ERCC6: variants seen among roughly 807,000 people sequenced by gnomAD.
ERCC6 encodes the protein DNA excision repair protein ERCC-6.
ERCC6 carries 116 observed loss-of-function variants against 158.7 expected under a neutral mutation model. The ratio of observed to expected loss-of-function variants is 0.73; its 90% CI spans 0.63 to 0.85. ERCC6 has a LOEUF of 0.85. Among genes scored for constraint, ERCC6 ranks in the 40% least tolerant of loss-of-function variants. The probability of loss-of-function intolerance (pLI) is 0.00; values close to 1 mark genes in which losing one functional copy is unlikely to be tolerated. For synonymous variants in ERCC6, 678 were observed against 659.3 expected, an observed-to-expected ratio of 1.03 and a Z score of -0.43; for missense variants, 1,698 against 1,799.4, an observed-to-expected ratio of 0.94 and a Z score of 1.02.
the ERCC6 span, among the ~76,000 whole-genome samples, chr10:49,444,846 AG>A: frequency 1.3e-5 from 2 of 152,220 alleles, no homozygotes. Flanking sequence ...CACAGCAAAA[AG>A]TAAAGAAAAA....
downstream of ERCC6, among the ~76,000 whole-genome samples, chr10:49,449,536 T>C (rs1446363343): frequency 6.6e-6 from 1 of 151,368 alleles, no homozygotes; most frequent in Non-Finnish European, 1.5e-5. Context: ...AAGAGTTTTA[T>C]AGGTTTTGCT....
chr10:49,468,153 C>T (rs753167318), intron 18 of ERCC6, among the ~76,000 whole-genome samples: 2 of 152,186 alleles, frequency 1.3e-5, no homozygotes, highest in African/African-American at 2.4e-5. Flanking sequence ...TTTTCACTGA[C>T]CTTAAGTAGT....
chr10:49,458,833 G>C lies in ERCC6; in HGVS notation c.4464C>G (p.Leu1488=). 6.2e-7 allele frequency: 1 copy of C among 1,614,184 alleles called. No homozygotes were observed. The highest frequency in any genetic ancestry group is 8.5e-7 in the Non-Finnish European group (1 of 1,180,018). ...ATGTTGTTTAGCAGTATTCTGGCTT[G>C]AGTTTCCAAATTCCTTCACCACCAG... ...RTSGGEGIWK[L]KPEYC Residue 1488 remains leucine, a synonymous_variant, in exon 21 of 21, where the codon CTC becomes CTG. Coordinates refer to ENST00000355832, the MANE Select transcript of ERCC6 (RefSeq NM_000124.4).
At chr10:49,476,135 A>G (rs1453346768) in intron 12 of ERCC6, 80 bp downstream of exon 12, 10 of 993,270 alleles carry the variant, frequency 1.0e-5, no homozygotes, top group African/African-American at 1.6e-5. Flanking sequence ...AGCCTGGCAC[A>G]ATGTAGATCC....
intron 16 of ERCC6, 110 bp from the exon 17 acceptor site, chr10:49,471,230 T>A: frequency 9.5e-7 from 1 of 1,055,504 alleles, no homozygotes; most frequent in Non-Finnish European, 1.4e-6. Flanking sequence ...CATGAATGGC[T>A]AAATAATCCC....
chr10:49,526,117 T>TTATATATATATATATA (rs55801003), intron 4 of ERCC6, among the ~76,000 whole-genome samples: 4 of 43,566 alleles, frequency 9.2e-5, no homozygotes, highest in Non-Finnish European at 2.1e-4. Flanking sequence ...TTATATATTT[T>TTATATATATATATATA]TATATATATA....
chr10:49,481,368 T>G (rs1850977097), intron 10 of ERCC6, among the ~76,000 whole-genome samples: 1 of 152,164 alleles, frequency 6.6e-6, no homozygotes, highest in South Asian at 2.1e-4. Context: ...TAACAGGAGA[T>G]TCAGAGAAAG....
rs1277930972 is a variant in ERCC6 at position 49,461,437 on chromosome 10, A to G, written c.3898T>C (p.Ser1300Pro). 1 of 1,614,182 alleles carries G rather than the reference A, an allele frequency of 6.2e-7. No homozygotes were observed. The highest frequency in any genetic ancestry group is 8.5e-7 in the Non-Finnish European group (1 of 1,180,040). Residue 1300 changes from serine (S) to proline (P), a missense_variant, in exon 19 of 21, where the codon TCT becomes CCT. Transcript: ENST00000355832. ...ACTGCTCCCAGACACCGCTGACGAG[A>G]GAGCCTCAGTGCTTTCAGGGCATCC... Reference protein sequence around the residue: ...AQDALKALRLSRQRCLGAVSG... With the variant: ...AQDALKALRLPRQRCLGAVSG...
chr10:49,438,042 T>C, the ERCC6 span, among the ~76,000 whole-genome samples: 1 of 152,196 alleles, frequency 6.6e-6, no homozygotes, highest in Non-Finnish European at 1.5e-5. Context: ...TTATATTTTA[T>C]TGTATTGTTA....
chr10:49,508,422 G>A (rs544021571), intron 5 of ERCC6, among the ~76,000 whole-genome samples: 3 of 151,988 alleles, frequency 2.0e-5, no homozygotes, highest in Non-Finnish European at 4.4e-5. Context: ...AAAATATACA[G>A]GCATCTTGTC....
chr10:49,532,656 G>C lies in ERCC6; in HGVS notation c.309C>G (p.Asp103Glu). The change falls in exon 2 of 21, where the codon GAC becomes GAG. Residue 103 changes from aspartate (D) to glutamate (E), a missense_variant. Transcript: ENST00000355832. The stretch of plus-strand genomic sequence containing the variant: ...GCTGAAGCACTCCCTGTTCCAGCAC[G>C]TCCTGGTCATAGACGTCCACACCCA... ...QGLGVDVYDQ[D>E]VLEQGVLQQV... 3.1e-6 allele frequency: 5 copies of C among 1,614,178 alleles called. No homozygotes were observed. The highest frequency in any genetic ancestry group is 4.2e-6 in the Non-Finnish European group (5 of 1,180,038).
At chr10:49,517,502 G>A (rs1459296492) in intron 5 of ERCC6, among the ~76,000 whole-genome samples, 1 of 152,142 alleles carries the variant, frequency 6.6e-6, no homozygotes, top group Non-Finnish European at 1.5e-5. Flanking sequence ...TGAGCAGTAG[G>A]GCATGAATAA....
At chr10:49,525,091 G>T in intron 4 of ERCC6, 1 of 410,742 alleles carries the variant, frequency 2.4e-6, no homozygotes, top group Non-Finnish European at 4.0e-6. Context: ...GTCAAGTTTA[G>T]CTGTGTTTCC....
At chr10:49,474,322 T>C in intron 12 of ERCC6, 80 bp from the exon 13 acceptor site, 1 of 1,095,134 alleles carries the variant, frequency 9.1e-7, no homozygotes, top group Non-Finnish European at 1.4e-6. Context: ...CTGTTTAACC[T>C]ATAACACAGA....
At chr10:49,448,466 C>T in the ERCC6 span, among the ~76,000 whole-genome samples, 4 of 152,246 alleles carry the variant, frequency 2.6e-5, no homozygotes, top group East Asian at 5.8e-4. Context: ...AATTCATATA[C>T]CATATAACTC....
intron 1 of ERCC6, 31 bp from the exon 2 acceptor site, chr10:49,533,009 G>C: frequency 6.2e-7 from 1 of 1,608,272 alleles, no homozygotes; most frequent in Non-Finnish European, 8.5e-7. Context: ...AAGCCTTTTC[G>C]TTATATAGGA....
rs374791168 is a variant in ERCC6, at chr10:49,470,366, T to C, written c.3594A>G (p.Lys1198=). 8.7e-6 allele frequency: 14 copies of C among 1,614,104 alleles called. No individual in the cohort carries two copies. Among genetic ancestry groups the C allele is most frequent in the Admixed American group, 1.7e-5 (1 of 60,006 alleles). ...HSVAEEETLE[K]HLRPKQKPKN... ...TAGGCTTTTGCTTTGGTCTCAGATG[T>C]TTCTCCAGGGTCTCTTCTTCTGCCA... The change falls in exon 18 of 21, where the codon AAA becomes AAG. Residue 1198 remains lysine (K), a synonymous_variant. Coordinates refer to ENST00000355832, the MANE Select transcript of ERCC6 (RefSeq NM_000124.4).
intron 7 of ERCC6, among the ~76,000 whole-genome samples, chr10:49,494,020 T>C (rs139270549): frequency 1.3e-5 from 2 of 152,330 alleles, no homozygotes; most frequent in African/African-American, 4.8e-5. Flanking sequence ...TAAAAACATT[T>C]ACACACTGGG....
chr10:49,444,220 G>A, the ERCC6 span, among the ~76,000 whole-genome samples: 1 of 152,162 alleles, frequency 6.6e-6, no homozygotes, highest in Non-Finnish European at 1.5e-5. Context: ...ATGCCCTCAG[G>A]GCTGGAATTC....
Sources: gnomAD v4.1 joint callset for allele counts (sites outside exome capture counted in the v4.1 genomes callset) on GRCh38, gnomAD v4.1.1 for gene constraint, MANE v1.5 for transcripts, NCBI Gene and HGNC (gene_info 2026-07-23, HGNC 2026-07-21) for gene names.